The following SRD5A1 variants were observed in gnomAD, a reference collection of about 807,000 sequenced individuals.
SRD5A1 encodes 3-oxo-5-alpha-steroid 4-dehydrogenase 1.
A neutral mutation model predicts 28.2 loss-of-function variants in SRD5A1; 22 were observed. That is an observed-to-expected ratio of 0.78 (90% CI 0.56 to 1.12). The LOEUF is 1.12. Among genes scored for constraint, SRD5A1 ranks in the 50% most tolerant of loss-of-function variants. SRD5A1 has a pLI of 0.00. For synonymous variants in SRD5A1, 151 were observed against 135.0 expected (o/e 1.12, Z -0.82); for missense variants, 300 against 346.7 (o/e 0.87, Z 1.07).
chr5:6,664,563 C>G (rs1234436699), intron 4 of SRD5A1, among the ~76,000 whole-genome samples: 1 of 152,124 alleles, frequency 6.6e-6, no homozygotes. Context: ...CACCACCAGG[C>G]CTGGCTAATT....
rs1436163381 is a variant in SRD5A1 at position 6,669,274 on chromosome 5, C to G, written c.*1006C>G. Reference sequence around the variant, plus strand: ...AATTGTTAAAATTCTCTACAGCCTTCTTTTTCTTCCATAGCTAATCTTCCT... The same window carrying G: ...AATTGTTAAAATTCTCTACAGCCTTGTTTTTCTTCCATAGCTAATCTTCCT... On this transcript the variant is annotated 3_prime_UTR_variant, in exon 5 of 5. Transcript: ENST00000274192. 6.6e-6 allele frequency: 1 copy of G among 152,208 alleles called. No individual in the cohort carries two copies. Among genetic ancestry groups the G allele is most frequent in the Non-Finnish European group, 1.5e-5 (1 of 68,030 alleles). 9.4% of individuals were successfully genotyped at this position (152,208 alleles called of 1,614,324 possible). A position where few individuals can be genotyped will look rare whatever the true frequency, so the allele number is the denominator to read the frequency against.
chr5:6,639,717 GTC>G (rs1471399686), intron 1 of SRD5A1, among the ~76,000 whole-genome samples: 1 of 152,136 alleles, frequency 6.6e-6, no homozygotes, highest in Non-Finnish European at 1.5e-5. Context: ...ATTTCTCCGT[GTC>G]TCTCATTCTG....
chr5:6,647,676 G>T (rs1202658740), intron 1 of SRD5A1, among the ~76,000 whole-genome samples: 3 of 152,240 alleles, frequency 2.0e-5, no homozygotes, highest in Middle Eastern at 3.4e-3. Flanking sequence ...CACGTGAGAT[G>T]GGTCTCCTGA....
At chr5:6,653,473 T>C (rs1030385324) in intron 2 of SRD5A1, 1 of 152,180 alleles carries the variant, frequency 6.6e-6, no homozygotes, top group African/African-American at 2.4e-5. Context: ...TGAGTTCCTG[T>C]GCAGATCACA....
chr5:6,646,039 C>T (rs1017790866), intron 1 of SRD5A1, among the ~76,000 whole-genome samples: 5 of 152,158 alleles, frequency 3.3e-5, no homozygotes, highest in African/African-American at 1.2e-4. Flanking sequence ...GTTCCCCTCC[C>T]TGCGTCCATG....
At chr5:6,651,035 T>C (rs1469874624) in intron 1 of SRD5A1, among the ~76,000 whole-genome samples, 1 of 152,082 alleles carries the variant, frequency 6.6e-6, no homozygotes, top group Non-Finnish European at 1.5e-5. Context: ...TTTTATCCTC[T>C]ATCAAATGTG....
At chr5:6,651,579 AAG>A (rs1268770613) in intron 1 of SRD5A1, among the ~76,000 whole-genome samples, 1 of 152,160 alleles carries the variant, frequency 6.6e-6, no homozygotes, top group Non-Finnish European at 1.5e-5. Context: ...AAGATCGCTT[AAG>A]CCCTGGAGCT....
At chr5:6,644,501 AC>A (rs1443921316) in intron 1 of SRD5A1, among the ~76,000 whole-genome samples, 2 of 152,118 alleles carry the variant, frequency 1.3e-5, no homozygotes, top group Non-Finnish European at 2.9e-5. Flanking sequence ...ACTTTCTCAT[AC>A]CGGTGTCCCT....
intron 1 of SRD5A1, among the ~76,000 whole-genome samples, chr5:6,643,168 C>A (rs771401107): frequency 6.6e-6 from 1 of 152,136 alleles, no homozygotes; most frequent in Non-Finnish European, 1.5e-5. Flanking sequence ...TCTGCACAGA[C>A]TATCTAAAGA....
chr5:6,650,161 G>A (rs965567784), intron 1 of SRD5A1, among the ~76,000 whole-genome samples: 8 of 151,998 alleles, frequency 5.3e-5, no homozygotes, highest in African/African-American at 1.4e-4. Context: ...GTTCATAATA[G>A]TTCCTTATTA....
At chr5:6,661,530 C>CTTTTTTTTT (rs11402128) in intron 3 of SRD5A1, among the ~76,000 whole-genome samples, 1 of 118,276 alleles carries the variant, frequency 8.5e-6, no homozygotes, top group African/African-American at 3.3e-5. Context: ...ATAGGTTTGT[C>CTTTTTTTTT]TTTTTTTTTT....
intron 1 of SRD5A1, among the ~76,000 whole-genome samples, chr5:6,639,905 C>T (rs978138741): frequency 6.6e-6 from 1 of 152,194 alleles, no homozygotes; most frequent in African/African-American, 2.4e-5. Context: ...GTGGTATTAT[C>T]TTTTTCCCAT....
In SRD5A1 at chr5:6,656,085, C is replaced by T. The variant is rs751875197; in HGVS notation, c.468C>T (p.Gly156=). ...VTDPRFLIGF[G]LWLTGMLINI... ...GCAATTTTTTTCCTTTAGGTTTTGG[C>T]TTGTGGTTAACGGGCATGTTGATAA... Residue 156 remains glycine, a synonymous_variant, in exon 3 of 5, where the codon GGC becomes GGT. Transcript: ENST00000274192. 25 of 1,613,252 alleles carry T rather than the reference C, an allele frequency of 1.5e-5. No individual in the cohort carries two copies. The highest frequency in any genetic ancestry group is 2.1e-5 in the Non-Finnish European group (25 of 1,179,710).
intron 2 of SRD5A1, among the ~76,000 whole-genome samples, chr5:6,652,740 A>T (rs1483977517): frequency 1.3e-5 from 2 of 151,898 alleles, no homozygotes; most frequent in African/African-American, 4.8e-5. Flanking sequence ...GGGCATGGTG[A>T]CACGCACCAT....
rs1739307466 is a variant in SRD5A1 at position 6,669,726 on chromosome 5, AT to A, written c.*1463del. The A allele has an allele frequency of 6.6e-6, 1 of 152,208 alleles. No homozygotes were observed. Among genetic ancestry groups the A allele is most frequent in the Admixed American group, 6.5e-5 (1 of 15,274 alleles). The allele number at this position is 152,208 out of a possible 1,614,324, so 9.4% of individuals were successfully genotyped here. On this transcript the variant is annotated 3_prime_UTR_variant, in exon 5 of 5. Coordinates refer to ENST00000274192, the MANE Select transcript of SRD5A1 (RefSeq NM_001047.4). ...AAGCTTATTGGGAATGGCTTTTATG[AT>A]TTTTAAAGTAGCCTTGAGAGCTTCC... is the stretch of plus-strand genomic sequence containing the variant.
At chr5:6,666,297 G>A (rs560980813) in intron 4 of SRD5A1, among the ~76,000 whole-genome samples, 52 of 152,094 alleles carry the variant, frequency 3.4e-4, no homozygotes, top group Non-Finnish European at 4.1e-4. Flanking sequence ...ACAGGTGCCC[G>A]CCACCATGCC....
At chr5:6,642,808 A>G (rs1738402904) in intron 1 of SRD5A1, among the ~76,000 whole-genome samples, 4 of 152,228 alleles carry the variant, frequency 2.6e-5, no homozygotes. Flanking sequence ...ATGAAACTTT[A>G]TTAAGCCATC....
At position 6,670,246 on chromosome 5, in the gene SRD5A1, A is replaced by T; in HGVS notation, c.*1978A>T. 6.6e-6 allele frequency: 1 copy of T among 152,342 alleles called. No individual in the cohort carries two copies. The highest frequency in any genetic ancestry group is 1.5e-5 in the Non-Finnish European group (1 of 68,052). The allele number at this position is 152,342 out of a possible 1,614,324, so 9.4% of individuals were successfully genotyped here. A position where few individuals can be genotyped will look rare whatever the true frequency, so the allele number is the denominator to read the frequency against. On this transcript the variant is annotated 3_prime_UTR_variant, in exon 5 of 5. Transcript: ENST00000274192. ...AAATAAAGTCTCCACATTTTGGCCT[A>T]TAGGGATCCTGCCCCATAATGGCTG...
chr5:6,659,144 C>T (rs1379631484), intron 3 of SRD5A1, among the ~76,000 whole-genome samples: 4 of 149,574 alleles, frequency 2.7e-5, no homozygotes, highest in Non-Finnish European at 5.9e-5. Context: ...GACGGGGTCT[C>T]GCTCTGTCAC....
Sources: gnomAD v4.1 joint callset for allele counts (sites outside exome capture counted in the v4.1 genomes callset) on GRCh38, gnomAD v4.1.1 for gene constraint, MANE v1.5 for transcripts, NCBI Gene and HGNC (gene_info 2026-07-23, HGNC 2026-07-21) for gene names.